Variants in HYDIN observed in about 807,000 individuals in gnomAD.
HYDIN encodes axonemal central pair apparatus protein HYDIN.
In HYDIN, 132 loss-of-function variants were observed where a neutral mutation model predicts 403.9. The ratio of observed to expected loss-of-function variants is 0.33; its 90% CI spans 0.28 to 0.38. The LOEUF (loss-of-function observed/expected upper bound fraction) is 0.38, where lower values mean the gene tolerates loss of function less well. HYDIN is among the 10% of genes least tolerant of loss of function. The pLI is 1.00. For missense variants in HYDIN, 2,827 were observed against 5,009.5 expected (o/e 0.56, Z 13.15); for synonymous variants, 1,202 against 1,891.7 (o/e 0.64, Z 9.46).
chr16:71,067,233 G>C lies in HYDIN; in HGVS notation c.2075+57C>G, dbSNP rs770926359. ...CAGGCCAGCTGCCTTCTGGGAGGCA[G>C]CCCATTACTGGAGGCTCGGGGGCGA... On this transcript the variant is annotated intron_variant, in intron 15 of 85. Transcript: ENST00000393567. 5 of 955,802 alleles carry C rather than the reference G, an allele frequency of 5.2e-6. No homozygotes were observed. In the Admixed American group the frequency reaches 1.2e-4, roughly 22 times the overall value. 59.2% of individuals were successfully genotyped at this position (955,802 alleles called of 1,614,324 possible).
chr16:71,077,992 T>C (rs1211137719), intron 13 of HYDIN, among the ~76,000 whole-genome samples: 1 of 150,710 alleles, frequency 6.6e-6, no homozygotes, highest in Non-Finnish European at 1.5e-5. Context: ...ATGGATTTCC[T>C]GTTACTAAAC....
At chr16:71,204,231 A>G (rs2088174149) in intron 1 of HYDIN, among the ~76,000 whole-genome samples, 1 of 152,242 alleles carries the variant, frequency 6.6e-6, no homozygotes, top group Non-Finnish European at 1.5e-5. Flanking sequence ...TTTGTTAACC[A>G]AATTCTGACA....
intron 12 of HYDIN, among the ~76,000 whole-genome samples, chr16:71,082,457 G>T (rs528427224): frequency 2.0e-5 from 3 of 151,468 alleles, no homozygotes; most frequent in Non-Finnish European, 4.4e-5. Flanking sequence ...TCATGAGTTT[G>T]GTGATAAATC....
intron 1 of HYDIN, among the ~76,000 whole-genome samples, chr16:71,212,711 G>A (rs2088662283): frequency 6.6e-6 from 1 of 151,862 alleles, no homozygotes; most frequent in Non-Finnish European, 1.5e-5. Flanking sequence ...GGAGAACAAA[G>A]ATCTGATATC....
chr16:71,114,111 G>C (rs1036937316), intron 10 of HYDIN: 7 of 151,532 alleles, frequency 4.6e-5, no homozygotes, highest in East Asian at 3.9e-4. Flanking sequence ...CATCTCCCAG[G>C]CTTCTTCACT....
chr16:71,209,139 T>C (rs907270208), intron 1 of HYDIN, among the ~76,000 whole-genome samples: 2 of 148,508 alleles, frequency 1.3e-5, no homozygotes, highest in African/African-American at 2.5e-5. Context: ...AGATGAAAAA[T>C]CCTCAGCAAA....
chr16:71,175,552 T>C lies in HYDIN; in HGVS notation c.516+55A>G, dbSNP rs80347233. On this transcript the variant is annotated intron_variant, in intron 5 of 85. Coordinates refer to ENST00000393567, the MANE Select transcript of HYDIN (RefSeq NM_001270974.2). ...CTACCGCCTCTGTAAATATTCAGAA[T>C]TGAACTGCAATCTGCCAGTACAAGT... 2.0e-3 allele frequency: 3,121 copies of C among 1,569,170 alleles called. 61 individuals are homozygous for C. In the African/African-American group the frequency reaches 0.037, roughly 18 times the overall value.
chr16:71,201,348 T>C (rs2087998641), intron 1 of HYDIN, among the ~76,000 whole-genome samples: 1 of 152,150 alleles, frequency 6.6e-6, no homozygotes, highest in South Asian at 2.1e-4. Context: ...ATTTTCCTTC[T>C]CAAAGATATC....
chr16:70,982,745 AT>A (rs1264922456), intron 28 of HYDIN, among the ~76,000 whole-genome samples: 1 of 136,836 alleles, frequency 7.3e-6, no homozygotes, highest in Non-Finnish European at 1.5e-5. Flanking sequence ...GTTTTAACAT[AT>A]TTTTAAAAAC....
chr16:71,064,626 C>G, intron 16 of HYDIN, 79 bp downstream of exon 16: 1 of 1,333,478 alleles, frequency 7.5e-7, no homozygotes, highest in South Asian at 1.4e-5. Context: ...GAATGTGGCA[C>G]TTCAGAGGGA....
At chr16:70,927,640 T>C (rs2077194191) in intron 45 of HYDIN, among the ~76,000 whole-genome samples, 1 of 152,248 alleles carries the variant, frequency 6.6e-6, no homozygotes, top group Admixed American at 6.5e-5. Context: ...GCTGTTTTCT[T>C]CCACCTCCAG....
rs2040363530 is a variant in HYDIN at position 70,875,001 on chromosome 16, G to A, written c.10558-82C>T. The A allele has an allele frequency of 5.4e-6, 7 of 1,302,776 alleles. No individual in the cohort carries two copies. The South Asian group carries it at 1.2e-4, about 22-fold the overall frequency. The allele number at this position is 1,302,776 out of a possible 1,614,324, so 80.7% of individuals were successfully genotyped here. ...AGTCTGGGGTGAGATACTGTGCTGT[G>A]TTTGGGGCAGGACCCCAAAAAGGTA... On this transcript the variant is annotated intron_variant, in intron 62 of 85. Coordinates refer to ENST00000393567, the MANE Select transcript of HYDIN (RefSeq NM_001270974.2).
At chr16:71,169,438 A>C (rs1439245194) in intron 5 of HYDIN, among the ~76,000 whole-genome samples, 1 of 152,178 alleles carries the variant, frequency 6.6e-6, no homozygotes, top group East Asian at 1.9e-4. Context: ...GTTAAAAAGA[A>C]AAAGAAAAGA....
At chr16:70,867,076 T>C (rs2143638952) in intron 66 of HYDIN, among the ~76,000 whole-genome samples, 1 of 148,118 alleles carries the variant, frequency 6.8e-6, no homozygotes, top group East Asian at 2.0e-4. Flanking sequence ...GTAAGGATAT[T>C]TGCAGACAAA....
chr16:70,996,436 G>T (rs1260280968), intron 23 of HYDIN, among the ~76,000 whole-genome samples: 1 of 152,062 alleles, frequency 6.6e-6, no homozygotes, highest in Non-Finnish European at 1.5e-5. Flanking sequence ...AGTGCACAGG[G>T]GTTCTGAGCA....
rs1383846464 is a variant in HYDIN at position 70,833,901 on chromosome 16, G to T, written c.13665C>A (p.Gly4555=). The change falls in exon 79 of 86, where the codon GGC becomes GGA. Residue 4555 remains glycine, a synonymous_variant. Transcript: ENST00000393567. ...ATRRILMMNT[G]DVGARFKWDI... ...TGCTCCCTTACCTTGCACCCACATC[G>T]CCTGTGTTCATCATGAGGATGCGAC... The T allele has an allele frequency of 3.1e-6, 5 of 1,612,486 alleles. No individual in the cohort carries two copies. In the East Asian group the frequency reaches 1.1e-4, roughly 36 times the overall value.
At chr16:71,192,440 G>A (rs186953337) in intron 1 of HYDIN, among the ~76,000 whole-genome samples, 1 of 151,768 alleles carries the variant, frequency 6.6e-6, no homozygotes, top group African/African-American at 2.4e-5. Flanking sequence ...GTTTCGTCCG[G>A]AACACTCTCC....
chr16:70,860,794 C>T lies in HYDIN; in HGVS notation c.11885G>A (p.Gly3962Asp), dbSNP rs1160179157. The T allele has an allele frequency of 1.3e-5, 8 of 624,392 alleles. No homozygotes were observed. Among genetic ancestry groups the T allele is most frequent in the Non-Finnish European group, 2.2e-5 (8 of 359,864 alleles). 38.7% of individuals were successfully genotyped at this position (624,392 alleles called of 1,614,324 possible). ...TCGGAGCTCTGGGTTGCGCTGATGG[C>T]CACTTATGTAGTCCGAGTCTTTCAG... ...FDLKDSDYIS[G>D]HQRNPELRGS... The change falls in exon 70 of 86, where the codon GGC becomes GAC. Residue 3962 changes from glycine to aspartate, a missense_variant. By Grantham distance (94) the Gly-to-Asp change is moderately conservative. Coordinates refer to ENST00000393567, the MANE Select transcript of HYDIN (RefSeq NM_001270974.2).
intron 75 of HYDIN, among the ~76,000 whole-genome samples, chr16:70,847,414 A>T (rs1057000497): frequency 1.3e-5 from 2 of 152,166 alleles, no homozygotes; most frequent in African/African-American, 4.8e-5. Flanking sequence ...GATTTGAGTT[A>T]TCCTTTAGTG....
Sources: allele counts gnomAD v4.1 joint callset (sites outside exome capture counted in the v4.1 genomes callset), GRCh38; gene constraint gnomAD v4.1.1; transcripts MANE v1.5; gene names NCBI Gene and HGNC (gene_info 2026-07-23, HGNC 2026-07-21).